Variants in AKAP6 observed in about 807,000 individuals in gnomAD.
AKAP6 encodes A-kinase anchoring protein 6.
AKAP6 carries 58 observed loss-of-function variants against 188.5 expected under a neutral mutation model. The ratio of observed to expected loss-of-function variants is 0.31; its 90% CI spans 0.25 to 0.38. The LOEUF (loss-of-function observed/expected upper bound fraction) is 0.38. Among genes scored for constraint, AKAP6 ranks in the 10% least tolerant of loss-of-function variants. AKAP6 has a pLI of 1.00. For missense variants in AKAP6, 2,710 were observed against 2,740.0 expected (o/e 0.99, Z 0.24); for synonymous variants, 989 against 998.6 (o/e 0.99, Z 0.18).
chr14:32,641,469 T>TAAAAAAAAAAAAAAA (rs35618540), intron 7 of AKAP6, among the ~76,000 whole-genome samples: 1 of 119,848 alleles, frequency 8.3e-6, no homozygotes, highest in Admixed American at 8.7e-5. Context: ...GAAACCCTGC[T>TAAAAAAAAAAAAAAA]AAAAAAAAAA....
chr14:32,809,031 A>C (rs143959983), intron 12 of AKAP6, among the ~76,000 whole-genome samples: 2 of 152,346 alleles, frequency 1.3e-5, no homozygotes, highest in African/African-American at 4.8e-5. Context: ...TTGTTTACTT[A>C]AATATCAGTA....
intron 4 of AKAP6, among the ~76,000 whole-genome samples, chr14:32,556,321 G>GTTGT (rs1404042800): frequency 1.3e-5 from 2 of 151,970 alleles, no homozygotes; most frequent in African/African-American, 2.4e-5. Context: ...TTGTTCAGTT[G>GTTGT]TAGGAGTTCG....
intron 2 of AKAP6, among the ~76,000 whole-genome samples, chr14:32,475,395 C>A (rs780425350): frequency 2.6e-5 from 4 of 152,204 alleles, no homozygotes; most frequent in African/African-American, 4.8e-5. Flanking sequence ...ATTCAGGCAT[C>A]CCCTCCATTA....
chr14:32,653,082 C>G (rs1457083968), intron 7 of AKAP6, among the ~76,000 whole-genome samples: 1 of 151,934 alleles, frequency 6.6e-6, no homozygotes, highest in Non-Finnish European at 1.5e-5. Context: ...TAAATAAATC[C>G]ACCACTTATT....
At chr14:32,521,355 A>G (rs552516702) in intron 2 of AKAP6, among the ~76,000 whole-genome samples, 59 of 152,214 alleles carry the variant, frequency 3.9e-4, no homozygotes, top group Non-Finnish European at 7.5e-4. Context: ...AGCAGGAGAA[A>G]GAAATAAAGG....
chr14:32,698,386 C>G (rs1415398484), intron 9 of AKAP6, among the ~76,000 whole-genome samples: 1 of 152,214 alleles, frequency 6.6e-6, no homozygotes, highest in East Asian at 1.9e-4. Context: ...AGGAGTAAAG[C>G]TTTTCAATTG....
chr14:32,433,042 T>C, intron 1 of AKAP6: 1 of 167,880 alleles, frequency 6.0e-6, no homozygotes, highest in South Asian at 1.5e-4. Flanking sequence ...CCCCTCCTAA[T>C]TGAGTCAGCT....
chr14:32,574,198 A>T (rs1249011649), intron 4 of AKAP6, among the ~76,000 whole-genome samples: 3 of 152,318 alleles, frequency 2.0e-5, no homozygotes, highest in East Asian at 1.9e-4. Context: ...ATTGTGAGTG[A>T]TGAAACTTTT....
At chr14:32,817,485 C>T (rs5006079) in intron 12 of AKAP6, among the ~76,000 whole-genome samples, 56,760 of 113,030 alleles carry the variant, frequency 0.5, 12,285 homozygotes, top group Non-Finnish European at 0.56. Context: ...GTGTGTGTGT[C>T]TGTGTTTGTG....
At chr14:32,610,964 A>G (rs562060647) in intron 7 of AKAP6, among the ~76,000 whole-genome samples, 12 of 152,316 alleles carry the variant, frequency 7.9e-5, no homozygotes, top group African/African-American at 2.6e-4. Flanking sequence ...ATTTGGTCAT[A>G]GAAAACAGAT....
Position 32,468,706 on chromosome 14 carries a change from T to A in AKAP6, c.324+34889T>A, listed in dbSNP as rs1301124068. ...CTCCCATCTTTGTCCCTCCATTCTT[T>A]CTCCCAGGTACTCCATATCCTTATG... On this transcript the variant is annotated intron_variant, in intron 2 of 13. Coordinates refer to ENST00000280979, the MANE Select transcript of AKAP6 (RefSeq NM_004274.5). 5.9e-5 allele frequency among the ~76,000 whole-genome samples: 9 copies of A among 152,192 alleles called. 1 individual carries two copies. The East Asian group carries it at 1.5e-3, about 26-fold the overall frequency.
chr14:32,815,980 AT>A (rs1468686783), intron 12 of AKAP6, among the ~76,000 whole-genome samples: 1 of 152,214 alleles, frequency 6.6e-6, no homozygotes, highest in Non-Finnish European at 1.5e-5. Context: ...CCAAACCTGT[AT>A]GAGTACCTCC....
rs534883681 is a variant in AKAP6, at chr14:32,515,772, C to T, written c.325-19782C>T. 8.3e-4 allele frequency among the ~76,000 whole-genome samples: 127 copies of T among 152,170 alleles called. 1 individual carries two copies. The highest frequency in any genetic ancestry group is 2.8e-3 in the African/African-American group (118 of 41,526). Reference sequence around the variant, plus strand: ...CTTTTCATGATCATCTTGAAGCTTTCGTTTCATGGTTTGTGAATTCAATAT... The same window carrying T: ...CTTTTCATGATCATCTTGAAGCTTTTGTTTCATGGTTTGTGAATTCAATAT... On this transcript the variant is annotated intron_variant, in intron 2 of 13. Transcript: ENST00000280979.
intron 11 of AKAP6, among the ~76,000 whole-genome samples, chr14:32,741,819 G>GTTTTTTTTTTTTTTTTTTTTTTTTTTTT (rs34015837): frequency 2.8e-5 from 2 of 70,686 alleles, no homozygotes; most frequent in African/African-American, 1.1e-4. Flanking sequence ...TAGCCTGTAG[G>GTTTTTTTTTTTTTTTTTTTTTTTTTTTT]TTTTTTTTTT....
At chr14:32,496,766 G>T (rs1196918110) in intron 2 of AKAP6, among the ~76,000 whole-genome samples, 1 of 152,030 alleles carries the variant, frequency 6.6e-6, no homozygotes, top group South Asian at 2.1e-4. Context: ...TGGCAATTTT[G>T]TATGGCTCAA....
chr14:32,642,966 T>A (rs1446153664), intron 7 of AKAP6, among the ~76,000 whole-genome samples: 1 of 152,150 alleles, frequency 6.6e-6, no homozygotes, highest in Non-Finnish European at 1.5e-5. Context: ...TCACATAGTA[T>A]TAGAATGTTT....
At chr14:32,738,970 T>C (rs559986841) in intron 11 of AKAP6, among the ~76,000 whole-genome samples, 1 of 152,258 alleles carries the variant, frequency 6.6e-6, no homozygotes, top group Admixed American at 6.5e-5. Context: ...GGCCATAGTT[T>C]CCTGACCCTG....
chr14:32,442,754 A>G (rs955366456), intron 2 of AKAP6: 12 of 152,136 alleles, frequency 7.9e-5, no homozygotes, highest in African/African-American at 2.9e-4. Context: ...TTAATTCATC[A>G]TAAGTAGGAA....
At position 32,704,041 on chromosome 14, in the gene AKAP6, T is replaced by A. The variant is rs942219565; in HGVS notation, c.3000+7931T>A. Among the ~76,000 whole-genome samples the A allele has an allele frequency of 2.0e-5, 3 of 152,156 alleles. No homozygotes were observed. The South Asian group carries it at 6.2e-4, about 32-fold the overall frequency. On this transcript the variant is annotated intron_variant, in intron 9 of 13. Coordinates refer to ENST00000280979, the MANE Select transcript of AKAP6 (RefSeq NM_004274.5). Reference sequence around the variant, plus strand: ...CTATCCGTTTGCCAGCCAAGAGAGGTAGAGTATTCCCCTCCTCTGACCTTT... The same window carrying A: ...CTATCCGTTTGCCAGCCAAGAGAGGAAGAGTATTCCCCTCCTCTGACCTTT...
Sources: allele counts gnomAD v4.1 joint callset (sites outside exome capture counted in the v4.1 genomes callset), GRCh38; gene constraint gnomAD v4.1.1; transcripts MANE v1.5; gene names NCBI Gene and HGNC (gene_info 2026-07-23, HGNC 2026-07-21).